TRPC7: variants seen among roughly 807,000 people sequenced by gnomAD.
The protein encoded by TRPC7 is transient receptor potential cation channel subfamily C member 7.
In TRPC7, 42 loss-of-function variants were observed where a neutral mutation model predicts 90.1. That is an observed-to-expected ratio of 0.47 (90% CI 0.36 to 0.60). The LOEUF (loss-of-function observed/expected upper bound fraction) is 0.60, where lower values mean the gene tolerates loss of function less well. Among genes scored for constraint, TRPC7 ranks in the 20% least tolerant of loss-of-function variants. The pLI, the probability that TRPC7 is intolerant of heterozygous loss-of-function variation, is 0.00. For synonymous variants in TRPC7, 451 were observed against 436.3 expected (o/e 1.03, Z -0.42); for missense variants, 955 against 1,112.3 (o/e 0.86, Z 2.01).
At chr5:136,261,286 G>A (rs1756850545) in intron 5 of TRPC7, among the ~76,000 whole-genome samples, 1 of 152,202 alleles carries the variant, frequency 6.6e-6, no homozygotes, top group South Asian at 2.1e-4. Flanking sequence ...CTGACACGGT[G>A]CCTGATGTAT....
At chr5:136,352,583 G>A (rs1760226012) in intron 2 of TRPC7, among the ~76,000 whole-genome samples, 1 of 151,910 alleles carries the variant, frequency 6.6e-6, no homozygotes, top group African/African-American at 2.4e-5. Context: ...TATTTTTCCT[G>A]GCTACTCTAG....
At chr5:136,319,576 A>T (rs1759129069) in intron 2 of TRPC7, among the ~76,000 whole-genome samples, 1 of 151,934 alleles carries the variant, frequency 6.6e-6, no homozygotes, top group Non-Finnish European at 1.5e-5. Context: ...TCATGTCTCC[A>T]TTTTGCCCTC....
intron 3 of TRPC7, among the ~76,000 whole-genome samples, chr5:136,292,191 G>A (rs1274897511): frequency 6.6e-6 from 1 of 152,194 alleles, no homozygotes; most frequent in East Asian, 1.9e-4. Flanking sequence ...GACAAAGCAG[G>A]AAAGGTCTAA....
chr5:136,307,563 C>T (rs1039893123), intron 3 of TRPC7, among the ~76,000 whole-genome samples: 1 of 152,192 alleles, frequency 6.6e-6, no homozygotes, highest in Non-Finnish European at 1.5e-5. Flanking sequence ...GAGGTTATAG[C>T]CTGGATCCTG....
chr5:136,345,944 T>C (rs951782454), intron 2 of TRPC7, among the ~76,000 whole-genome samples: 2 of 152,364 alleles, frequency 1.3e-5, no homozygotes, highest in Admixed American at 6.5e-5. Flanking sequence ...CAGCACCATT[T>C]GTTAAATAGG....
chr5:136,320,138 A>G (rs983689286), intron 2 of TRPC7, among the ~76,000 whole-genome samples: 2 of 149,570 alleles, frequency 1.3e-5, no homozygotes, highest in African/African-American at 5.0e-5. Flanking sequence ...AGTATTCCCT[A>G]TTCTTTCAGT....
intron 3 of TRPC7, among the ~76,000 whole-genome samples, chr5:136,310,206 A>G (rs1250059054): frequency 6.6e-6 from 1 of 152,142 alleles, no homozygotes; most frequent in Non-Finnish European, 1.5e-5. Context: ...CCTTTCTATC[A>G]GAAATGCCCT....
intron 5 of TRPC7, among the ~76,000 whole-genome samples, chr5:136,260,674 C>A (rs1219010821): frequency 6.6e-6 from 1 of 152,126 alleles, no homozygotes; most frequent in African/African-American, 2.4e-5. Context: ...AAATGGGAAG[C>A]CACTGGAGTC....
intron 10 of TRPC7, among the ~76,000 whole-genome samples, chr5:136,218,016 T>G (rs1051357823): frequency 8.3e-6 from 1 of 119,776 alleles, no homozygotes; most frequent in African/African-American, 3.2e-5. Context: ...AGACTCTAAT[T>G]CAAAAAAAAA....
chr5:136,304,961 A>G (rs900363278), intron 3 of TRPC7, among the ~76,000 whole-genome samples: 4 of 152,228 alleles, frequency 2.6e-5, no homozygotes, highest in East Asian at 1.9e-4. Flanking sequence ...TGCGTACAGC[A>G]GCTGCCGCTG....
intron 10 of TRPC7, among the ~76,000 whole-genome samples, chr5:136,217,910 G>A (rs914337320): frequency 2.0e-5 from 3 of 151,112 alleles, no homozygotes; most frequent in East Asian, 1.9e-4. Flanking sequence ...CCAGCTACTC[G>A]TGAGGCTGAG....
At chr5:136,339,793 C>T (rs1460767020) in intron 2 of TRPC7, among the ~76,000 whole-genome samples, 1 of 152,048 alleles carries the variant, frequency 6.6e-6, no homozygotes, top group African/African-American at 2.4e-5. Context: ...GAAATATCTC[C>T]TGTCCTTCTG....
At chr5:136,258,431 C>G (rs1364158501) in intron 5 of TRPC7, among the ~76,000 whole-genome samples, 1 of 152,210 alleles carries the variant, frequency 6.6e-6, no homozygotes, top group Admixed American at 6.5e-5. Context: ...GCATGTCAAT[C>G]ACAGGAGTGT....
chr5:136,327,764 G>A (rs189647979), intron 2 of TRPC7, among the ~76,000 whole-genome samples: 9 of 152,310 alleles, frequency 5.9e-5, no homozygotes, highest in Admixed American at 3.3e-4. Context: ...AATGCTGGGC[G>A]CACAAGTCAC....
intron 2 of TRPC7, among the ~76,000 whole-genome samples, chr5:136,346,195 A>G (rs1969054): frequency 0.67 from 101,315 of 152,012 alleles, 33,919 homozygotes; most frequent in Admixed American, 0.73. Context: ...AAACCTGCAC[A>G]TTGTGCACAT....
chr5:136,219,457 C>T (rs947188408), intron 10 of TRPC7, among the ~76,000 whole-genome samples: 2 of 152,212 alleles, frequency 1.3e-5, no homozygotes, highest in Non-Finnish European at 2.9e-5. Flanking sequence ...GTGTGACTGC[C>T]TGCCAGTTCT....
intron 2 of TRPC7, among the ~76,000 whole-genome samples, chr5:136,341,441 A>G (rs1315833714): frequency 1.4e-5 from 2 of 147,004 alleles, no homozygotes; most frequent in African/African-American, 5.1e-5. Flanking sequence ...ACATATATAC[A>G]TATATTTACA....
intron 11 of TRPC7, among the ~76,000 whole-genome samples, chr5:136,214,814 G>T (rs1013417133): frequency 2.0e-5 from 3 of 152,172 alleles, no homozygotes; most frequent in Non-Finnish European, 4.4e-5. Flanking sequence ...TGTGGCCCAA[G>T]CTAGGAGAAC....
At chr5:136,317,975 G>C (rs1316292356) in intron 2 of TRPC7, among the ~76,000 whole-genome samples, 1 of 152,224 alleles carries the variant, frequency 6.6e-6, no homozygotes, top group Non-Finnish European at 1.5e-5. Context: ...CAATAGGAGA[G>C]GCAACAGAGC....
Sources: allele counts gnomAD v4.1 joint callset (sites outside exome capture counted in the v4.1 genomes callset), GRCh38; gene constraint gnomAD v4.1.1; transcripts MANE v1.5; gene names NCBI Gene and HGNC (gene_info 2026-07-23, HGNC 2026-07-21).